Variants in CAMTA1 observed in about 807,000 individuals in gnomAD.
CAMTA1 encodes the protein calmodulin-binding transcription activator 1.
In CAMTA1, 27 loss-of-function variants were observed where a neutral mutation model predicts 170.9. That is an observed-to-expected ratio of 0.16 (90% CI 0.12 to 0.22). The LOEUF (loss-of-function observed/expected upper bound fraction) is 0.22. Ranked by LOEUF, CAMTA1 falls within the 10% of genes least tolerant of loss-of-function variation. The pLI is 1.00. For missense variants in CAMTA1, 1,619 were observed against 2,217.2 expected (o/e 0.73, Z 5.42); for synonymous variants, 833 against 891.5 (o/e 0.93, Z 1.17).
chr1:6,997,630 T>C (rs1697473490), intron 3 of CAMTA1, among the ~76,000 whole-genome samples: 1 of 151,860 alleles, frequency 6.6e-6, no homozygotes, highest in African/African-American at 2.4e-5. Context: ...CAGGTCGTCT[T>C]CTGTTTTCCA....
chr1:6,925,123 C>T (rs942042351), intron 3 of CAMTA1, among the ~76,000 whole-genome samples: 1 of 152,196 alleles, frequency 6.6e-6, no homozygotes, highest in Non-Finnish European at 1.5e-5. Context: ...GCAGGGGGCC[C>T]AAGGGCAGAA....
chr1:7,535,126 T>C (rs2094534473), intron 6 of CAMTA1, among the ~76,000 whole-genome samples: 2 of 150,768 alleles, frequency 1.3e-5, no homozygotes, highest in African/African-American at 4.9e-5. Flanking sequence ...GGCAGGTCCA[T>C]GCCAGGGGTG....
In CAMTA1 at chr1:7,547,826, TG is replaced by T. The variant is rs766987861; in HGVS notation, c.510+79928del. ...AGTCTCACATCTCTGCCACCCCATG[TG>T]GGCCCCCTCCAAACCCAGACTCTGA... On this transcript the variant is annotated intron_variant, in intron 6 of 22. Coordinates refer to ENST00000303635, the MANE Select transcript of CAMTA1 (RefSeq NM_015215.4). This position sits in a 1 kb window ranked among gnomAD's most constrained non-coding sequence, Gnocchi z 5.7. Among the ~76,000 whole-genome samples, 10 of 148,510 alleles carry T rather than the reference TG, an allele frequency of 6.7e-5. No individual in the cohort carries two copies. The highest frequency in any genetic ancestry group is 1.4e-4 in the Non-Finnish European group (9 of 66,502).
chr1:6,884,193 G>A (rs900675406), intron 3 of CAMTA1, among the ~76,000 whole-genome samples: 4 of 151,774 alleles, frequency 2.6e-5, no homozygotes, highest in African/African-American at 9.7e-5. Context: ...GGCTGAAGAG[G>A]AAGGAGGGGA....
chr1:7,568,515 A>G (rs1408821774), intron 6 of CAMTA1, among the ~76,000 whole-genome samples: 1 of 149,680 alleles, frequency 6.7e-6, no homozygotes, highest in East Asian at 2.0e-4. Context: ...CACCATCACC[A>G]CCAACAACCA....
chr1:7,118,717 G>A (rs1043668875), intron 4 of CAMTA1, among the ~76,000 whole-genome samples: 5 of 152,100 alleles, frequency 3.3e-5, no homozygotes, highest in African/African-American at 1.2e-4. Context: ...ATGAATAGCA[G>A]CCTGTTTGCT....
At chr1:7,575,897 TC>T in intron 6 of CAMTA1, among the ~76,000 whole-genome samples, 1 of 152,294 alleles carries the variant, frequency 6.6e-6, no homozygotes, top group East Asian at 1.9e-4. Flanking sequence ...GCCCTCCAGT[TC>T]CTGCTTCCCT....
chr1:7,591,035 G>A (rs1472653169), intron 6 of CAMTA1, among the ~76,000 whole-genome samples: 2 of 152,196 alleles, frequency 1.3e-5, no homozygotes, highest in African/African-American at 4.8e-5. Context: ...ACCAGAAACT[G>A]ACACTGGGTT....
Position 7,147,576 on chromosome 1 carries a change from C to T in CAMTA1, c.302+56205C>T, listed in dbSNP as rs148069717. ...CAAACACAAACATACATCACACACA[C>T]GCACTGAAATATGCACCATGCACAC... is the stretch of plus-strand genomic sequence containing the variant. On this transcript the variant is annotated intron_variant, in intron 4 of 22. Coordinates refer to ENST00000303635, the MANE Select transcript of CAMTA1 (RefSeq NM_015215.4). Among the ~76,000 whole-genome samples the T allele has an allele frequency of 2.4e-4, 37 of 151,764 alleles. No individual in the cohort carries two copies. The East Asian group carries it at 2.9e-3, about 12-fold the overall frequency.
At chr1:7,275,885 C>A (rs1670517720) in intron 5 of CAMTA1, among the ~76,000 whole-genome samples, 1 of 152,052 alleles carries the variant, frequency 6.6e-6, no homozygotes, top group Non-Finnish European at 1.5e-5. Flanking sequence ...GAACACTTGT[C>A]AGGTCATTTT....
At chr1:7,112,862 T>C (rs370629958) in intron 4 of CAMTA1, among the ~76,000 whole-genome samples, 84 of 152,360 alleles carry the variant, frequency 5.5e-4, no homozygotes, top group African/African-American at 2.0e-3. Flanking sequence ...TTCTTCCACT[T>C]TCCAGATCTC....
At chr1:7,582,352 C>A (rs1557953665) in intron 6 of CAMTA1, among the ~76,000 whole-genome samples, 1 of 152,232 alleles carries the variant, frequency 6.6e-6, no homozygotes, top group Non-Finnish European at 1.5e-5. Context: ...GGCCTCAGTG[C>A]CCTGATTCAC....
chr1:6,910,881 C>G (rs905850470), intron 3 of CAMTA1, among the ~76,000 whole-genome samples: 3 of 152,154 alleles, frequency 2.0e-5, no homozygotes, highest in Admixed American at 2.0e-4. Flanking sequence ...GAACCTTCTG[C>G]TGGGGGTGCT....
chr1:7,086,207 C>T (rs1640720647), intron 3 of CAMTA1, among the ~76,000 whole-genome samples: 1 of 151,984 alleles, frequency 6.6e-6, no homozygotes, highest in South Asian at 2.1e-4. Context: ...CAGCAAATTT[C>T]TTCATCTTGA....
chr1:7,721,669 A>G (rs1487843625), intron 11 of CAMTA1, among the ~76,000 whole-genome samples: 1 of 152,162 alleles, frequency 6.6e-6, no homozygotes, highest in Non-Finnish European at 1.5e-5. Context: ...CTGTGTCACA[A>G]CAAAGAGTTT....
intron 9 of CAMTA1, among the ~76,000 whole-genome samples, chr1:7,666,872 G>GTTGTTTTGTTTTGTTTTGTT (rs199791433): frequency 9.9e-5 from 15 of 151,728 alleles, no homozygotes; most frequent in African/African-American, 3.4e-4. Flanking sequence ...CCCTGCTGTT[G>GTTGTTTTGTTTTGTTTTGTT]TTGTTTTGTT....
intron 11 of CAMTA1, among the ~76,000 whole-genome samples, chr1:7,687,605 G>A (rs910745117): frequency 1.3e-5 from 2 of 152,150 alleles, no homozygotes; most frequent in Admixed American, 1.3e-4. Flanking sequence ...TCCACTGCTC[G>A]TTCAGCAGAA....
At chr1:7,716,016 T>G (rs2149720028) in intron 11 of CAMTA1, among the ~76,000 whole-genome samples, 1 of 152,340 alleles carries the variant, frequency 6.6e-6, no homozygotes, top group Middle Eastern at 3.4e-3. Flanking sequence ...TATGATGAAT[T>G]ATAAAATTGT....
chr1:7,377,572 C>A (rs2086937693), intron 5 of CAMTA1, among the ~76,000 whole-genome samples: 1 of 152,188 alleles, frequency 6.6e-6, no homozygotes, highest in Admixed American at 6.5e-5. Context: ...CCTCCTGAAC[C>A]AATCACTGCA....
Sources: gnomAD v4.1 joint callset for allele counts (sites outside exome capture counted in the v4.1 genomes callset) on GRCh38, gnomAD v4.1.1 for gene constraint, Gnocchi (gnomAD v3.1) non-coding constraint, MANE v1.5 for transcripts, NCBI Gene and HGNC (gene_info 2026-07-23, HGNC 2026-07-21) for gene names.